The following PCNX2 variants were observed in gnomAD, a reference collection of about 807,000 sequenced individuals.
The protein encoded by PCNX2 is pecanex 2, also known as pecanex-like protein 2.
PCNX2 carries 168 observed loss-of-function variants against 223.8 expected under a neutral mutation model. That is an observed-to-expected ratio of 0.75 (90% CI 0.66 to 0.85). PCNX2 has a LOEUF of 0.85. Ranked by LOEUF, PCNX2 falls within the 40% of genes least tolerant of loss-of-function variation. PCNX2 has a pLI of 0.00. For missense variants in PCNX2, 2,507 were observed against 2,675.5 expected, an observed-to-expected ratio of 0.94 and a Z score of 1.39; for synonymous variants, 1,006 against 1,052.6, an observed-to-expected ratio of 0.96 and a Z score of 0.86.
At chr1:233,236,666 T>C (rs1261579301) in intron 9 of PCNX2, among the ~76,000 whole-genome samples, 179 bp downstream of exon 9, 1 of 152,240 alleles carries the variant, frequency 6.6e-6, no homozygotes, top group African/African-American at 2.4e-5. Context: ...AGCTGCTATC[T>C]ATCTGATTTC....
At chr1:233,075,084 T>C (rs1673032811) in intron 23 of PCNX2, among the ~76,000 whole-genome samples, 1 of 152,106 alleles carries the variant, frequency 6.6e-6, no homozygotes. Flanking sequence ...TTCTTGGAAA[T>C]TATCTCAGAG....
intron 10 of PCNX2, among the ~76,000 whole-genome samples, chr1:233,222,315 A>G (rs1483706518): frequency 6.6e-6 from 1 of 152,124 alleles, no homozygotes; most frequent in African/African-American, 2.4e-5. Flanking sequence ...GAGCACTTTG[A>G]TTTTCATTCT....
At chr1:233,018,035 T>G (rs1375385809) in intron 26 of PCNX2, among the ~76,000 whole-genome samples, 1 of 152,214 alleles carries the variant, frequency 6.6e-6, no homozygotes, top group Non-Finnish European at 1.5e-5. Context: ...TTGTTTGTTT[T>G]TTGAGACAGC....
At chr1:233,263,986 C>T (rs987943455) in intron 1 of PCNX2, among the ~76,000 whole-genome samples, 1 of 152,130 alleles carries the variant, frequency 6.6e-6, no homozygotes, top group African/African-American at 2.4e-5. Context: ...GGTTGTATTG[C>T]ACACAGGGAA....
chr1:233,300,543 G>A (rs1407528315), upstream of PCNX2, among the ~76,000 whole-genome samples: 1 of 152,202 alleles, frequency 6.6e-6, no homozygotes, highest in African/African-American at 2.4e-5. Context: ...TGACTCAGCT[G>A]TGTTCAAGAC....
chr1:233,313,468 A>G, the PCNX2 span, among the ~76,000 whole-genome samples: 1 of 152,310 alleles, frequency 6.6e-6, no homozygotes, highest in South Asian at 2.1e-4. Flanking sequence ...TTTTCAGTAA[A>G]TGGGAAAGAC....
At chr1:233,056,656 T>C (rs1443300728) in intron 24 of PCNX2, among the ~76,000 whole-genome samples, 1 of 152,186 alleles carries the variant, frequency 6.6e-6, no homozygotes, top group East Asian at 1.9e-4. Flanking sequence ...CCTAGACAGA[T>C]TTTGGGTCAC....
intron 21 of PCNX2, among the ~76,000 whole-genome samples, chr1:233,097,543 A>T (rs546163404): frequency 2.0e-5 from 3 of 152,304 alleles, no homozygotes; most frequent in Non-Finnish European, 4.4e-5. Context: ...TCTTTCAGAA[A>T]GGCCACTTTT....
rs1055072591 is a variant in PCNX2, at chr1:233,018,873, TA to T, written c.4606-1720del. 5 of 985,342 alleles carry T rather than the reference TA, an allele frequency of 5.1e-6. No individual in the cohort carries two copies. The African/African-American group carries it at 8.7e-5, about 17-fold the overall frequency. The allele number at this position is 985,342 out of a possible 1,614,324, so 61.0% of individuals were successfully genotyped here. A position where few individuals can be genotyped will look rare whatever the true frequency, so the allele number is the denominator to read the frequency against. ...CTTAATTGATGCTCTTCTCTGTTTA[TA>T]AAAACATATTCTTTTTAAGTGAGAA... On this transcript the variant is annotated intron_variant, in intron 26 of 33. Coordinates refer to ENST00000258229, the MANE Select transcript of PCNX2 (RefSeq NM_014801.4).
intron 17 of PCNX2, among the ~76,000 whole-genome samples, chr1:233,175,433 T>C (rs1349347193): frequency 6.6e-6 from 1 of 152,216 alleles, no homozygotes; most frequent in Non-Finnish European, 1.5e-5. Flanking sequence ...AAATTTCTTG[T>C]CAAATTTCCT....
At chr1:233,082,054 A>G (rs1673386399) in intron 23 of PCNX2, among the ~76,000 whole-genome samples, 1 of 151,994 alleles carries the variant, frequency 6.6e-6, no homozygotes, top group Non-Finnish European at 1.5e-5. Flanking sequence ...AACAGGAAGC[A>G]TGTTCTGGGC....
chr1:233,137,327 T>A (rs1647397546), intron 20 of PCNX2, among the ~76,000 whole-genome samples: 1 of 152,222 alleles, frequency 6.6e-6, no homozygotes, highest in Non-Finnish European at 1.5e-5. Flanking sequence ...TGTTCTGCGA[T>A]GGGAGGCATC....
In PCNX2 at chr1:232,998,307, G is replaced by C. The variant is rs1669948501; in HGVS notation, c.5735C>G (p.Pro1912Arg). 1 of 1,610,582 alleles carries C rather than the reference G, an allele frequency of 6.2e-7. No homozygotes were observed. Among genetic ancestry groups the C allele is most frequent in the African/African-American group, 1.3e-5 (1 of 74,772 alleles). ...CCCGTGCTGAGCACCGCCTTTTCTG[G>C]GCTGTTCTGCGCTGCTCTCCTGGCT... ...GGSQESSAEQ[P>R]RKGGAQHGVS... The change falls in exon 32 of 34, where the codon CCC becomes CGC. Residue 1912 changes from proline (P) to arginine (R), a missense_variant. Pro to Arg is a moderately radical substitution (Grantham distance 103). Transcript: ENST00000258229.
intron 15 of PCNX2, among the ~76,000 whole-genome samples, chr1:233,195,381 TC>T (rs1204310996): frequency 6.6e-6 from 1 of 152,152 alleles, no homozygotes; most frequent in Non-Finnish European, 1.5e-5. Context: ...GAAAGACTTT[TC>T]CCCTAAACTT....
At chr1:232,984,766 CT>C (rs1189789407) in intron 33 of PCNX2, 2 of 330,374 alleles carry the variant, frequency 6.1e-6, no homozygotes, top group Non-Finnish European at 5.6e-6. Context: ...GTGCGCCTGG[CT>C]TTCTAGCTGT....
Position 233,208,645 on chromosome 1 carries a change from A to G in PCNX2, c.2736T>C (p.Cys912=). The change falls in exon 13 of 34, where the codon TGT becomes TGC. Residue 912 remains cysteine, a synonymous_variant. Coordinates refer to ENST00000258229, the MANE Select transcript of PCNX2 (RefSeq NM_014801.4). ...GAAGCAAAATAAGGCCACACAGCAC[A>G]CAAAAATAGATTGGTCTGCTATATG... The part of the protein sequence containing the change: ...IITYSRPIYF[C]VLCGLILLLD... The G allele has an allele frequency of 6.2e-7, 1 of 1,613,932 alleles. No individual in the cohort carries two copies.
chr1:233,082,275 C>T (rs1477231387), intron 23 of PCNX2, among the ~76,000 whole-genome samples: 4 of 152,016 alleles, frequency 2.6e-5, no homozygotes, highest in South Asian at 2.1e-4. Flanking sequence ...AGATGAGGAT[C>T]GCCATTGTTA....
chr1:233,127,877 C>T lies in PCNX2; in HGVS notation c.3837+7136G>A, dbSNP rs749815670. Reference sequence around the variant, plus strand: ...TACCTAGCCCAGTGCCTGGCAGGCACCCAGTAAGTGCTCAATGAATGAACA... The same window carrying T: ...TACCTAGCCCAGTGCCTGGCAGGCATCCAGTAAGTGCTCAATGAATGAACA... On this transcript the variant is annotated intron_variant, in intron 21 of 33. Coordinates refer to ENST00000258229, the MANE Select transcript of PCNX2 (RefSeq NM_014801.4). Among the ~76,000 whole-genome samples the T allele has an allele frequency of 2.4e-4, 36 of 152,310 alleles. No homozygotes were observed. In the Middle Eastern group the frequency reaches 0.01, roughly 43 times the overall value.
intron 1 of PCNX2, among the ~76,000 whole-genome samples, chr1:233,288,517 G>A (rs921855556): frequency 2.0e-5 from 3 of 152,216 alleles, no homozygotes; most frequent in Non-Finnish European, 4.4e-5. Context: ...CGACATGCAT[G>A]TATCTAATGG....
Sources: gnomAD v4.1 joint callset for allele counts (sites outside exome capture counted in the v4.1 genomes callset) on GRCh38, gnomAD v4.1.1 for gene constraint, MANE v1.5 for transcripts, NCBI Gene and HGNC (gene_info 2026-07-23, HGNC 2026-07-21) for gene names.